PTPRO: variants seen among roughly 807,000 people sequenced by gnomAD.
PTPRO encodes protein tyrosine phosphatase receptor type O.
In PTPRO, 62 loss-of-function variants were observed where a neutral mutation model predicts 145.2. The observed-to-expected ratio is 0.43, with a 90% confidence interval of 0.35 to 0.53. PTPRO has a LOEUF of 0.53. PTPRO is among the 20% of genes least tolerant of loss of function. The pLI is 0.01. For missense variants in PTPRO, 1,345 were observed against 1,482.7 expected, an observed-to-expected ratio of 0.91 and a Z score of 1.53; for synonymous variants, 565 against 514.7, an observed-to-expected ratio of 1.10 and a Z score of -1.32.
intron 22 of PTPRO, among the ~76,000 whole-genome samples, chr12:15,581,298 CTTTTTT>C (rs147606138): frequency 2.4e-5 from 3 of 123,030 alleles, no homozygotes; most frequent in Non-Finnish European, 4.8e-5. Context: ...TGAGTGCTTT[CTTTTTT>C]TTTTTTTTTT....
intron 1 of PTPRO, among the ~76,000 whole-genome samples, chr12:15,405,488 C>T: frequency 6.6e-6 from 1 of 152,076 alleles, no homozygotes; most frequent in East Asian, 1.9e-4. Flanking sequence ...GAGTTCTAAT[C>T]AGAACTCATA....
intron 1 of PTPRO, among the ~76,000 whole-genome samples, chr12:15,343,984 A>G (rs1867106756): frequency 1.3e-5 from 2 of 152,212 alleles, no homozygotes. Context: ...GCGCCCGGCC[A>G]TAAATAAACA....
intron 1 of PTPRO, among the ~76,000 whole-genome samples, chr12:15,418,451 G>A (rs1940044368): frequency 6.6e-6 from 1 of 151,628 alleles, no homozygotes; most frequent in African/African-American, 2.4e-5. Flanking sequence ...CTTCTGGCTT[G>A]GATTTCTAAA....
chr12:15,350,725 T>C (rs1459847089), intron 1 of PTPRO, among the ~76,000 whole-genome samples: 2 of 152,206 alleles, frequency 1.3e-5, no homozygotes, highest in African/African-American at 2.4e-5. Flanking sequence ...ACTACCTCTG[T>C]TGTACCAGAT....
intron 1 of PTPRO, among the ~76,000 whole-genome samples, chr12:15,413,040 G>C (rs1012665503): frequency 6.6e-6 from 1 of 151,932 alleles, no homozygotes; most frequent in African/African-American, 2.4e-5. Context: ...TGATCCACCC[G>C]CCTCAGCCTC....
chr12:15,426,400 T>G (rs1340185750), intron 1 of PTPRO, among the ~76,000 whole-genome samples: 1 of 152,070 alleles, frequency 6.6e-6, no homozygotes, highest in Non-Finnish European at 1.5e-5. Context: ...ACTTTTTAAT[T>G]ATATTGTCTC....
chr12:15,359,422 C>CTT (rs771782428), intron 1 of PTPRO, among the ~76,000 whole-genome samples: 1,289 of 112,506 alleles, frequency 0.011, 42 homozygotes, highest in African/African-American at 0.026. Context: ...TTTCTCTTTC[C>CTT]TTTTTTTTTT....
chr12:15,560,654 G>T (rs552722814), intron 17 of PTPRO, among the ~76,000 whole-genome samples: 1 of 152,054 alleles, frequency 6.6e-6, no homozygotes, highest in African/African-American at 2.4e-5. Flanking sequence ...AGAAATCAGA[G>T]TCTATACAAT....
chr12:15,553,014 T>G (rs2300286), intron 15 of PTPRO, among the ~76,000 whole-genome samples: 47,719 of 151,612 alleles, frequency 0.31, 7,528 homozygotes, highest in Middle Eastern at 0.43. Flanking sequence ...TGGCCAGGCT[T>G]GTCTCGAACT....
intron 8 of PTPRO, 82 bp from the exon 9 acceptor site, chr12:15,516,681 G>A: frequency 1.6e-6 from 2 of 1,256,036 alleles, no homozygotes; most frequent in Non-Finnish European, 1.2e-6. Context: ...GAAAACTCGG[G>A]TCATTAAGTA....
At chr12:15,446,203 G>A (rs1426406277) in intron 1 of PTPRO, among the ~76,000 whole-genome samples, 1 of 152,020 alleles carries the variant, frequency 6.6e-6, no homozygotes, top group Non-Finnish European at 1.5e-5. Flanking sequence ...TTGGGGGTTT[G>A]TTTTTCAAAT....
rs1161503224 is a variant in PTPRO, at chr12:15,520,207, G to A, written c.1786G>A (p.Ala596Thr). The A allele has an allele frequency of 1.2e-6, 2 of 1,612,466 alleles. No individual in the cohort carries two copies. The highest frequency in any genetic ancestry group is 2.7e-5 in the African/African-American group (2 of 74,850). The change falls in exon 10 of 27, where the codon GCT becomes ACT. Residue 596 changes from alanine to threonine, a missense_variant. Ala to Thr is a moderately conservative substitution (Grantham distance 58). This residue lies in a region of PTPRO where 1,130 missense variants were observed against 1,214.7 expected (regional missense o/e 0.93). Transcript: ENST00000281171. ...TVSLTASVRI[A>T]NLLPAWYYNF... ...GCTTGCTTTTCTCATTCAGAGAATA[G>A]CTAATCTGCTGCCAGCATGGTACTA...
intron 6 of PTPRO, among the ~76,000 whole-genome samples, chr12:15,507,579 A>T (rs1942349490): frequency 6.6e-6 from 1 of 152,240 alleles, no homozygotes. Flanking sequence ...GATGTCCTAG[A>T]CATCTTCCCA....
intron 1 of PTPRO, among the ~76,000 whole-genome samples, chr12:15,483,371 A>T (rs928912952): frequency 6.6e-6 from 1 of 152,160 alleles, no homozygotes; most frequent in East Asian, 1.9e-4. Context: ...ACACCAGCAG[A>T]TCCTCCATCT....
chr12:15,539,998 G>A (rs1429481832), intron 12 of PTPRO, among the ~76,000 whole-genome samples: 1 of 151,110 alleles, frequency 6.6e-6, no homozygotes, highest in Non-Finnish European at 1.5e-5. Context: ...ATTTCCCTAA[G>A]TCAACAAGAC....
intron 1 of PTPRO, among the ~76,000 whole-genome samples, chr12:15,455,771 T>C (rs2136387196): frequency 6.6e-6 from 1 of 152,210 alleles, no homozygotes; most frequent in Non-Finnish European, 1.5e-5. Context: ...AACTTCAGGG[T>C]TTTCTATATA....
chr12:15,504,079 A>G lies in PTPRO; in HGVS notation c.1267+10A>G, dbSNP rs762129707. 13 of 1,605,532 alleles carry G rather than the reference A, an allele frequency of 8.1e-6. No individual in the cohort carries two copies. The Admixed American group carries it at 1.7e-4, about 21-fold the overall frequency. The stretch of plus-strand genomic sequence containing the variant: ...CTCAGCTTTTATATCAGTAAGTAAC[A>G]AAGAGATCATTTTACACTTACTGGG... On this transcript the variant is annotated intron_variant, in intron 6 of 26. Transcript: ENST00000281171.
intron 1 of PTPRO, among the ~76,000 whole-genome samples, chr12:15,424,540 A>G (rs1202001419): frequency 6.6e-6 from 1 of 152,034 alleles, no homozygotes; most frequent in East Asian, 1.9e-4. Flanking sequence ...AGGAGCTTAC[A>G]ATGTTTTGGG....
At chr12:15,408,783 A>T (rs1290674364) in intron 1 of PTPRO, among the ~76,000 whole-genome samples, 1 of 152,162 alleles carries the variant, frequency 6.6e-6, no homozygotes, top group Non-Finnish European at 1.5e-5. Context: ...GAGGTGTGGA[A>T]ATATGTCTTA....
Sources: gnomAD v4.1 joint callset for allele counts (sites outside exome capture counted in the v4.1 genomes callset) on GRCh38, gnomAD v4.1.1 for gene constraint, gnomAD v4.1.1 regional missense constraint, MANE v1.5 for transcripts, NCBI Gene and HGNC (gene_info 2026-07-23, HGNC 2026-07-21) for gene names.